The following TMEM263 variants were observed in gnomAD, a reference collection of about 807,000 sequenced individuals.
TMEM263 encodes transmembrane protein 263, also known as UPF0444 transmembrane protein C12orf23.
In TMEM263, 5 loss-of-function variants were observed where a neutral mutation model predicts 8.6. That is an observed-to-expected ratio of 0.58 (90% confidence interval 0.31 to 1.23). The LOEUF is 1.23. TMEM263 is among the 50% of genes most tolerant of loss of function. The pLI is 0.07. For synonymous variants in TMEM263, 50 were observed against 47.9 expected (o/e 1.04, Z -0.18); for missense variants, 104 against 138.8 (o/e 0.75, Z 1.26).
chr12:106,958,522 C>T (rs981408846), intron 2 of TMEM263, among the ~76,000 whole-genome samples: 5 of 152,168 alleles, frequency 3.3e-5, no homozygotes, highest in Non-Finnish European at 5.9e-5. Context: ...AATTATTTCT[C>T]CCCATCTCTA....
intron 3 of TMEM263, 63 bp from the exon 4 acceptor site, chr12:106,971,042 G>C: frequency 3.2e-6 from 5 of 1,550,594 alleles, no homozygotes; most frequent in Non-Finnish European, 4.4e-6. Flanking sequence ...TTAATGATGT[G>C]TACTGCTCTT....
chr12:106,971,158 G>C lies in TMEM263; in HGVS notation c.118G>C (p.Gly40Arg). The change falls in exon 4 of 4, where the codon GGG (glycine) becomes CGG (arginine). Residue 40 changes from glycine to arginine, a missense_variant. Transcript: ENST00000280756. ...QQPGMLSRVTGGIFSVTKGAV... is the reference protein window; with the variant it reads ...QQPGMLSRVTRGIFSVTKGAV... ...GCCAGGCATGTTGTCCCGTGTGACTGGGGGTATCTTCAGTGTTACAAAGGG... is the reference window on the plus strand; with the variant it reads ...GCCAGGCATGTTGTCCCGTGTGACTCGGGGTATCTTCAGTGTTACAAAGGG... 6.2e-7 allele frequency: 1 copy of C among 1,614,224 alleles called. No individual in the cohort carries two copies. Among genetic ancestry groups the C allele is most frequent in the Non-Finnish European group, 8.5e-7 (1 of 1,180,032 alleles).
chr12:106,966,898 A>G (rs567049812), intron 2 of TMEM263: 23 of 451,626 alleles, frequency 5.1e-5, no homozygotes, highest in African/African-American at 4.0e-4. Context: ...AGTGTTTCAC[A>G]TAAGATTTAT....
At chr12:106,961,313 C>T (rs772793670) in intron 2 of TMEM263, among the ~76,000 whole-genome samples, 84 of 141,908 alleles carry the variant, frequency 5.9e-4, no homozygotes, top group Non-Finnish European at 1.1e-3. Flanking sequence ...TTAGCTCAAG[C>T]AGTCCTCTAA....
At chr12:106,957,035 T>G in intron 1 of TMEM263, 47 bp from the exon 2 acceptor site, 1 of 962,460 alleles carries the variant, frequency 1.0e-6, no homozygotes, top group Non-Finnish European at 1.2e-6. Flanking sequence ...TAATTCCAAA[T>G]GAAAATATTT....
chr12:106,962,452 G>C (rs932485792), intron 2 of TMEM263, among the ~76,000 whole-genome samples: 1 of 152,126 alleles, frequency 6.6e-6, no homozygotes, highest in African/African-American at 2.4e-5. Flanking sequence ...GTACTCATTT[G>C]TTCATTTTCA....
At chr12:106,963,855 G>A (rs1318522063) in intron 2 of TMEM263, among the ~76,000 whole-genome samples, 4 of 152,194 alleles carry the variant, frequency 2.6e-5, no homozygotes, top group Non-Finnish European at 5.9e-5. Flanking sequence ...AAGACTGTTG[G>A]TAGGGATTTA....
At position 106,967,147 on chromosome 12, in the gene TMEM263, A is replaced by G; in HGVS notation, c.31A>G (p.Ile11Val). Residue 11 changes from isoleucine (I) to valine (V), a missense_variant, in exon 3 of 4, where the codon ATC becomes GTC. Ile to Val is a conservative substitution (Grantham distance 29, BLOSUM62 3). Transcript: ENST00000280756. MNQTDKNQQE[I>V]PSYLNDEPPE... ...TCAGACAGATAAAAATCAACAAGAAATCCCATCATACCTTAATGATGAACC... is the reference window on the plus strand; with the variant it reads ...TCAGACAGATAAAAATCAACAAGAAGTCCCATCATACCTTAATGATGAACC... 1 of 1,601,788 alleles carries G rather than the reference A, an allele frequency of 6.2e-7. No homozygotes were observed. The highest frequency in any genetic ancestry group is 1.7e-4 in the Middle Eastern group (1 of 6,022).
chr12:106,970,384 T>A (rs1387652885), intron 3 of TMEM263, among the ~76,000 whole-genome samples: 1 of 141,182 alleles, frequency 7.1e-6, no homozygotes, highest in Non-Finnish European at 1.5e-5. Context: ...TAGTAATTCT[T>A]TCAAAACAAA....
chr12:106,971,149 C>T lies in TMEM263; in HGVS notation c.109C>T (p.Arg37Cys), dbSNP rs756527456. ...ACAGCAGCAGCCAGGCATGTTGTCC[C>T]GTGTGACTGGGGGTATCTTCAGTGT... ...HPQQQPGMLS[R>C]VTGGIFSVTK... The change falls in exon 4 of 4, where the codon CGT (arginine) becomes TGT (cysteine). Residue 37 changes from arginine to cysteine, a missense_variant. By Grantham distance (180) the Arg-to-Cys change is radical (BLOSUM62 -3). Coordinates refer to ENST00000280756, the MANE Select transcript of TMEM263 (RefSeq NM_152261.4). 9.9e-6 allele frequency: 16 copies of T among 1,614,064 alleles called. No homozygotes were observed. Among genetic ancestry groups the T allele is most frequent in the Middle Eastern group, 1.6e-4 (1 of 6,084 alleles).
At chr12:106,968,400 A>G (rs1329458546) in intron 3 of TMEM263, among the ~76,000 whole-genome samples, 2 of 151,328 alleles carry the variant, frequency 1.3e-5, no homozygotes, top group African/African-American at 4.8e-5. Flanking sequence ...GAACTAGCTG[A>G]TTAGGTTTAG....
At chr12:106,957,490 T>G (rs1951716077) in intron 2 of TMEM263, among the ~76,000 whole-genome samples, 1 of 152,168 alleles carries the variant, frequency 6.6e-6, no homozygotes, top group African/African-American at 2.4e-5. Flanking sequence ...AATCTTTACC[T>G]TTGTTTCAGT....
chr12:106,968,370 C>A (rs569063197), intron 3 of TMEM263, among the ~76,000 whole-genome samples: 1 of 139,802 alleles, frequency 7.2e-6, no homozygotes, highest in Non-Finnish European at 1.6e-5. Context: ...AGTGAGACTC[C>A]GTCTCAAAAA....
In TMEM263 at chr12:106,956,267, C is replaced by A. The variant is rs1009622671; in HGVS notation, c.-75+202C>A. 2.0e-5 allele frequency among the ~76,000 whole-genome samples: 3 copies of A among 152,154 alleles called. No homozygotes were observed. In the East Asian group the frequency reaches 5.8e-4, roughly 29 times the overall value. On this transcript the variant is annotated intron_variant, in intron 1 of 3. Coordinates refer to ENST00000280756, the MANE Select transcript of TMEM263 (RefSeq NM_152261.4). Reference sequence around the variant, plus strand: ...ATGGAGGTTCGCTTCTGGGGCTACTCCTCCTTATACGTCGCTGACTGCCCC... The same window carrying A: ...ATGGAGGTTCGCTTCTGGGGCTACTACTCCTTATACGTCGCTGACTGCCCC...
chr12:106,973,661 A>G lies in TMEM263; in HGVS notation c.*2270A>G, dbSNP rs3204848. ...ACTTACCATCTGATGATATGTATGT[A>G]CAGCTGTGTACTTGAGTCTTTTTTA... On this transcript the variant is annotated 3_prime_UTR_variant, in exon 4 of 4. Coordinates refer to ENST00000280756, the MANE Select transcript of TMEM263 (RefSeq NM_152261.4). The G allele has an allele frequency of 0.13, 19,797 of 152,438 alleles. 1,395 individuals are homozygous for G. The highest frequency in any genetic ancestry group is 0.18 in the South Asian group (886 of 4,826). The allele number at this position is 152,438 out of a possible 1,614,324, so 9.4% of individuals were successfully genotyped here.
At chr12:106,966,781 C>T (rs778252678) in intron 2 of TMEM263, among the ~76,000 whole-genome samples, 31 of 152,132 alleles carry the variant, frequency 2.0e-4, no homozygotes, top group Non-Finnish European at 3.7e-4. Context: ...TTTTTGTCGG[C>T]TAACCCCCAC....
chr12:106,971,039 T>A, intron 3 of TMEM263, 66 bp from the exon 4 acceptor site: 1 of 1,531,600 alleles, frequency 6.5e-7, no homozygotes, highest in South Asian at 1.2e-5. Flanking sequence ...TACTTAATGA[T>A]GTGTACTGCT....
At chr12:106,965,135 C>G (rs1447442749) in intron 2 of TMEM263, among the ~76,000 whole-genome samples, 1 of 152,204 alleles carries the variant, frequency 6.6e-6, no homozygotes, top group East Asian at 1.9e-4. Context: ...CCCTGCCACA[C>G]TTTACTGGCT....
rs754905032 is a variant in TMEM263, at chr12:106,967,100, T to A, written c.-6-11T>A. The A allele has an allele frequency of 1.3e-6, 2 of 1,551,816 alleles. No homozygotes were observed. Among genetic ancestry groups the A allele is most frequent in the South Asian group, 2.4e-5 (2 of 84,266 alleles). On this transcript the variant is annotated splice_polypyrimidine_tract_variant and intron_variant, in intron 2 of 3. Transcript: ENST00000280756. ...GTTAAAATGAAATGTGTTTGTATGT[T>A]TTTTTTTTAGGAGATCATGAATCAG...
Sources: allele counts gnomAD v4.1 joint callset (sites outside exome capture counted in the v4.1 genomes callset), GRCh38; gene constraint gnomAD v4.1.1; transcripts MANE v1.5; gene names NCBI Gene and HGNC (gene_info 2026-07-23, HGNC 2026-07-21).